GPC6: variants seen among roughly 807,000 people sequenced by gnomAD.
GPC6 encodes glypican 6.
A neutral mutation model predicts 55.2 loss-of-function variants in GPC6; 14 were observed. That is an observed-to-expected ratio of 0.25 (90% CI 0.17 to 0.40). GPC6 has a LOEUF of 0.40. Among genes scored for constraint, GPC6 ranks in the 10% least tolerant of loss-of-function variants. The pLI is 1.00. For missense variants in GPC6, 641 were observed against 708.5 expected (o/e 0.90, Z 1.08); for synonymous variants, 278 against 259.6 (o/e 1.07, Z -0.68).
intron 4 of GPC6, among the ~76,000 whole-genome samples, chr13:94,122,559 C>A (rs1195007873): frequency 1.3e-5 from 2 of 152,048 alleles, no homozygotes; most frequent in Non-Finnish European, 2.9e-5. Flanking sequence ...CGTTACAGGG[C>A]AGTTTTGGCA....
intron 2 of GPC6, among the ~76,000 whole-genome samples, chr13:93,725,467 C>A (rs903260639): frequency 6.6e-6 from 1 of 151,938 alleles, no homozygotes; most frequent in Non-Finnish European, 1.5e-5. Context: ...TTCTCAGACC[C>A]TTTCTAACCT....
intron 4 of GPC6, among the ~76,000 whole-genome samples, chr13:94,264,590 A>G (rs1034602467): frequency 3.1e-4 from 47 of 152,252 alleles, no homozygotes; most frequent in African/African-American, 1.1e-3. Context: ...AAAGAGCTCA[A>G]TGCCACCATA....
intron 2 of GPC6, among the ~76,000 whole-genome samples, chr13:93,616,381 C>T (rs1878723662): frequency 6.6e-6 from 1 of 152,016 alleles, no homozygotes; most frequent in South Asian, 2.1e-4. Context: ...GGAAGTTGTT[C>T]ATCTCTTACA....
At chr13:93,435,987 C>T (rs1003632526) in intron 1 of GPC6, among the ~76,000 whole-genome samples, 9 of 152,144 alleles carry the variant, frequency 5.9e-5, no homozygotes, top group African/African-American at 2.2e-4. Context: ...AGAAAGTCAC[C>T]TCGCTGATCA....
chr13:93,479,498 G>A (rs1879417999), intron 1 of GPC6, among the ~76,000 whole-genome samples: 1 of 152,102 alleles, frequency 6.6e-6, no homozygotes, highest in Non-Finnish European at 1.5e-5. Flanking sequence ...AGCATGGGAT[G>A]AAGGGCTCGA....
At chr13:93,325,923 T>G (rs960275631) in intron 1 of GPC6, among the ~76,000 whole-genome samples, 1 of 152,114 alleles carries the variant, frequency 6.6e-6, no homozygotes, top group African/African-American at 2.4e-5. Context: ...GTTACCACTT[T>G]TATTCATTCA....
intron 4 of GPC6, among the ~76,000 whole-genome samples, chr13:94,042,309 C>T (rs1322904202): frequency 1.3e-5 from 2 of 151,902 alleles, no homozygotes; most frequent in Non-Finnish European, 2.9e-5. Flanking sequence ...GCCGATTAAA[C>T]CTCATTTCTT....
intron 6 of GPC6, among the ~76,000 whole-genome samples, chr13:94,360,710 C>T (rs541439731): frequency 2.0e-5 from 3 of 152,204 alleles, no homozygotes; most frequent in South Asian, 4.2e-4. Flanking sequence ...TGCTATCCTC[C>T]TCCCCCCAAA....
At chr13:94,266,225 G>A (rs1003711803) in intron 4 of GPC6, among the ~76,000 whole-genome samples, 3 of 151,144 alleles carry the variant, frequency 2.0e-5, no homozygotes, top group Admixed American at 6.6e-5. Context: ...CTGGAGTGCA[G>A]TGGCACGATC....
intron 2 of GPC6, among the ~76,000 whole-genome samples, chr13:93,823,282 AT>A (rs1887119749): frequency 2.0e-5 from 3 of 152,140 alleles, no homozygotes; most frequent in African/African-American, 7.2e-5. Context: ...TTAATTATTC[AT>A]ATCATGGTCT....
chr13:93,683,195 A>C (rs1029707349), intron 2 of GPC6, among the ~76,000 whole-genome samples: 3 of 152,098 alleles, frequency 2.0e-5, no homozygotes, highest in Admixed American at 6.5e-5. Flanking sequence ...TAAAAAAGAT[A>C]TTTAGCTTTG....
chr13:93,455,333 G>T (rs1047259115), intron 1 of GPC6, among the ~76,000 whole-genome samples: 2 of 152,172 alleles, frequency 1.3e-5, no homozygotes, highest in African/African-American at 4.8e-5. Flanking sequence ...AGGACTGCCA[G>T]CACGCTGTCA....
intron 1 of GPC6, among the ~76,000 whole-genome samples, chr13:93,493,455 G>T (rs1880117587): frequency 9.5e-6 from 1 of 104,762 alleles, no homozygotes; most frequent in Non-Finnish European, 2.0e-5. Context: ...CAATTTTGTT[G>T]ATCCTTTCAA....
Position 94,290,282 on chromosome 13 carries a change from G to A in GPC6, c.1008+3803G>A, listed in dbSNP as rs375521599. On this transcript the variant is annotated intron_variant, in intron 5 of 8. Transcript: ENST00000377047. ...TATAAAAAATAAAAATTAGCCCAGCGTGGTGGTATGAGCCTGTAGTCCCAG... is the reference window on the plus strand; with the variant it reads ...TATAAAAAATAAAAATTAGCCCAGCATGGTGGTATGAGCCTGTAGTCCCAG... Among the ~76,000 whole-genome samples, 95 of 151,826 alleles carry A rather than the reference G, an allele frequency of 6.3e-4. 1 individual carries two copies. In the South Asian group the frequency reaches 6.9e-3, roughly 11 times the overall value.
intron 3 of GPC6, among the ~76,000 whole-genome samples, chr13:93,891,977 A>G (rs1875715695): frequency 6.6e-6 from 1 of 151,966 alleles, no homozygotes; most frequent in Non-Finnish European, 1.5e-5. Flanking sequence ...TCAATTAACA[A>G]AGTGTATTGT....
At chr13:94,216,105 T>TTTTGTAA (rs1890219819) in intron 4 of GPC6, among the ~76,000 whole-genome samples, 2 of 152,222 alleles carry the variant, frequency 1.3e-5, no homozygotes, top group Non-Finnish European at 2.9e-5. Context: ...TTAAAGTCAC[T>TTTTGTAA]GTTTTATCTT....
At chr13:93,655,148 C>T (rs1238780821) in intron 2 of GPC6, among the ~76,000 whole-genome samples, 1 of 151,924 alleles carries the variant, frequency 6.6e-6, no homozygotes, top group Non-Finnish European at 1.5e-5. Flanking sequence ...CGCGCCCGGC[C>T]CATAACCAGA....
intron 1 of GPC6, among the ~76,000 whole-genome samples, chr13:93,540,675 C>T (rs1054386061): frequency 6.6e-6 from 1 of 152,106 alleles, no homozygotes; most frequent in Non-Finnish European, 1.5e-5. Flanking sequence ...TTTATCATTT[C>T]TTTGTGCTGG....
intron 4 of GPC6, among the ~76,000 whole-genome samples, chr13:94,228,465 T>C (rs1005080201): frequency 1.3e-5 from 2 of 152,162 alleles, no homozygotes; most frequent in African/African-American, 2.4e-5. Context: ...TTTCTAGAAA[T>C]GATATTCTAG....
Sources: gnomAD v4.1 joint callset for allele counts (sites outside exome capture counted in the v4.1 genomes callset) on GRCh38, gnomAD v4.1.1 for gene constraint, MANE v1.5 for transcripts, NCBI Gene and HGNC (gene_info 2026-07-23, HGNC 2026-07-21) for gene names.